ZNF490: variants seen among roughly 807,000 people sequenced by gnomAD.
The protein encoded by ZNF490 is zinc finger protein 490.
Under a neutral mutation model 17.7 loss-of-function variants are expected in ZNF490, and 11 were observed. The ratio of observed to expected loss-of-function variants is 0.62; its 90% confidence interval spans 0.39 to 1.03. The LOEUF (loss-of-function observed/expected upper bound fraction) is 1.03, where lower values mean the gene tolerates loss of function less well. Ranked by LOEUF, ZNF490 falls within the 50% of genes least tolerant of loss-of-function variation. The pLI is 0.00. For synonymous variants in ZNF490, 222 were observed against 216.1 expected (o/e 1.03, Z -0.24); for missense variants, 542 against 643.4 (o/e 0.84, Z 1.71).
Position 12,588,093 on chromosome 19 carries a change from C to T in ZNF490, c.163-4537G>A, listed in dbSNP as rs1484077565. Among the ~76,000 whole-genome samples, 2 of 34,676 alleles carry T rather than the reference C, an allele frequency of 5.8e-5. 1 individual carries two copies. 22.7% of individuals were successfully genotyped at this position (34,676 alleles called of 152,430 possible). ...CCATGTTGGCCAGGCTGGTCTCAAA[C>T]TCCTGACCTCAGGCGATCCGCCTGC... On this transcript the variant is annotated intron_variant, in intron 2 of 4. Coordinates refer to ENST00000311437, the MANE Select transcript of ZNF490 (RefSeq NM_020714.3).
chr19:12,582,720 T>C lies in ZNF490; in HGVS notation c.350+130A>G. On this transcript the variant is annotated intron_variant, in intron 4 of 4. Transcript: ENST00000311437. ...CCCATGACAGTTTCAATGAAACACC[T>C]TCAGTAAAAATTTTCTAAGAATGAA... 4 of 849,446 alleles carry C rather than the reference T, an allele frequency of 4.7e-6. No homozygotes were observed. The East Asian group carries it at 7.4e-5, about 16-fold the overall frequency. The allele number at this position is 849,446 out of a possible 1,614,324, so 52.6% of individuals were successfully genotyped here.
chr19:12,592,802 G>C (rs1568280426), intron 2 of ZNF490, among the ~76,000 whole-genome samples: 1 of 152,180 alleles, frequency 6.6e-6, no homozygotes, highest in Non-Finnish European at 1.5e-5. Flanking sequence ...TGGAGGCAGA[G>C]GGATCAAGTG....
At chr19:12,598,261 G>A (rs988501921) in intron 2 of ZNF490, among the ~76,000 whole-genome samples, 2 of 151,794 alleles carry the variant, frequency 1.3e-5, no homozygotes, top group African/African-American at 2.4e-5. Context: ...TATTGCAACA[G>A]AAGCTACTCA....
rs1261241597 is a variant in ZNF490, at chr19:12,601,843, A to C, written c.162+7315T>G. Among the ~76,000 whole-genome samples the C allele has an allele frequency of 3.3e-5, 5 of 150,728 alleles. No individual in the cohort carries two copies. In the East Asian group the frequency reaches 7.8e-4, roughly 23 times the overall value. On this transcript the variant is annotated intron_variant, in intron 2 of 4. Coordinates refer to ENST00000311437, the MANE Select transcript of ZNF490 (RefSeq NM_020714.3). ...CTGTCTCTACTAAAAATACAAAAAA[A>C]ATTAGCCGGGCTTGGTGGCAGGCTC...
At chr19:12,591,396 C>A (rs4602147) in intron 2 of ZNF490, among the ~76,000 whole-genome samples, 2 of 145,250 alleles carry the variant, frequency 1.4e-5, no homozygotes, top group South Asian at 2.2e-4. Context: ...CGCCGCCCCC[C>A]CAAAAAAGAG....
In ZNF490 at chr19:12,581,666, T is replaced by G; in HGVS notation, c.409A>C (p.Thr137Pro). 6.2e-7 allele frequency: 1 copy of G among 1,614,130 alleles called. No homozygotes were observed. Among genetic ancestry groups the G allele is most frequent in the Non-Finnish European group, 8.5e-7 (1 of 1,180,002 alleles). ...GTATTAAGATCAGGAATCTGGCTAG[T>G]GCTTTTTCCACATGGACAATCTTCT... is the stretch of plus-strand genomic sequence containing the variant. ...NKEDCPCGKS[T>P]SQIPDLNTNL... The change falls in exon 5 of 5, where the codon ACT becomes CCT. Residue 137 changes from threonine (T) to proline (P), a missense_variant. Coordinates refer to ENST00000311437, the MANE Select transcript of ZNF490 (RefSeq NM_020714.3).
intron 2 of ZNF490, among the ~76,000 whole-genome samples, chr19:12,588,963 G>T (rs2162863): frequency 0.61 from 92,846 of 152,010 alleles, 29,328 homozygotes; most frequent in Non-Finnish European, 0.69. Flanking sequence ...CTGAAATGTA[G>T]ACGATTGAAC....
At chr19:12,598,015 A>C (rs2022955913) in intron 2 of ZNF490, among the ~76,000 whole-genome samples, 1 of 152,096 alleles carries the variant, frequency 6.6e-6, no homozygotes, top group Non-Finnish European at 1.5e-5. Context: ...CACGAGGTCA[A>C]GTGATCGAGA....
chr19:12,576,182 G>C lies in ZNF490; in HGVS notation c.*4303C>G, dbSNP rs542319960. Among the ~76,000 whole-genome samples the C allele has an allele frequency of 3.3e-5, 5 of 152,036 alleles. No homozygotes were observed. The South Asian group carries it at 8.3e-4, about 25-fold the overall frequency. On this transcript the variant is annotated 3_prime_UTR_variant, in exon 5 of 5. Transcript: ENST00000311437. ...CTCACCAGCTCCATTCAGTGTTAAGGGGGGTGCTCCCAGGGAAATCAGGCA... is the reference window on the plus strand; with the variant it reads ...CTCACCAGCTCCATTCAGTGTTAAGCGGGGTGCTCCCAGGGAAATCAGGCA...
At chr19:12,599,308 G>C (rs2145160263) in intron 2 of ZNF490, among the ~76,000 whole-genome samples, 1 of 152,048 alleles carries the variant, frequency 6.6e-6, no homozygotes, top group East Asian at 1.9e-4. Context: ...AAAATGACTG[G>C]TTGTTTAAAA....
intron 2 of ZNF490, among the ~76,000 whole-genome samples, chr19:12,588,857 T>C (rs996663577): frequency 5.3e-5 from 8 of 152,210 alleles, no homozygotes; most frequent in Non-Finnish European, 1.0e-4. Flanking sequence ...AAATAATGCA[T>C]GGATGAGAAA....
At position 12,580,230 on chromosome 19, in the gene ZNF490, T is replaced by C. The variant is rs2022708860; in HGVS notation, c.*255A>G. 8.0e-7 allele frequency: 1 copy of C among 1,242,618 alleles called. No individual in the cohort carries two copies. Among genetic ancestry groups the C allele is most frequent in the Admixed American group, 3.8e-5 (1 of 26,546 alleles). 77.0% of individuals were successfully genotyped at this position (1,242,618 alleles called of 1,614,324 possible). On this transcript the variant is annotated 3_prime_UTR_variant, in exon 5 of 5. Transcript: ENST00000311437. ...AAAAGATTACGTGAAGTGAAGGCTT[T>C]CCTACACTCCATACATTCGTAGCTT...
At chr19:12,610,515 G>A in intron 1 of ZNF490, 49 bp downstream of exon 1, 1 of 1,401,406 alleles carries the variant, frequency 7.1e-7, no homozygotes. Flanking sequence ...ATAAACAAGG[G>A]TCACTATTCC....
rs551185328 is a variant in ZNF490, at chr19:12,601,821, T to C, written c.162+7337A>G. Among the ~76,000 whole-genome samples the C allele has an allele frequency of 3.3e-5, 5 of 151,068 alleles. No homozygotes were observed. The South Asian group carries it at 1.0e-3, about 31-fold the overall frequency. ...TCCTGGCTAACATGGTGAAACCCTGTCTCTACTAAAAATACAAAAAAAATT... is the reference window on the plus strand; with the variant it reads ...TCCTGGCTAACATGGTGAAACCCTGCCTCTACTAAAAATACAAAAAAAATT... On this transcript the variant is annotated intron_variant, in intron 2 of 4. Coordinates refer to ENST00000311437, the MANE Select transcript of ZNF490 (RefSeq NM_020714.3).
Position 12,577,418 on chromosome 19 carries a change from T to C in ZNF490, c.*3067A>G. 2.0e-6 allele frequency: 2 copies of C among 984,584 alleles called. No homozygotes were observed. The highest frequency in any genetic ancestry group is 2.4e-6 in the Non-Finnish European group (2 of 829,244). 61.0% of individuals were successfully genotyped at this position (984,584 alleles called of 1,614,324 possible). A position where few individuals can be genotyped will look rare whatever the true frequency, so the allele number is the denominator to read the frequency against. On this transcript the variant is annotated 3_prime_UTR_variant, in exon 5 of 5. Transcript: ENST00000311437. ...GACCTCCCACAGTACAATAATCATC[T>C]CTCTACAAAAGCACAACATGGCAGC...
chr19:12,589,591 C>T (rs1255682323), intron 2 of ZNF490, among the ~76,000 whole-genome samples: 4 of 129,056 alleles, frequency 3.1e-5, no homozygotes, highest in Non-Finnish European at 6.4e-5. Flanking sequence ...TTTTTTGAGA[C>T]AGGTCTCACT....
intron 3 of ZNF490, 97 bp from the exon 4 acceptor site, chr19:12,583,007 C>A (rs1163176311): frequency 9.1e-6 from 9 of 989,046 alleles, no homozygotes; most frequent in Non-Finnish European, 1.4e-5. Context: ...TTAGCTATGA[C>A]ACTGTCTGAT....
In ZNF490 at chr19:12,580,094, CA is replaced by C. The variant is rs1211804230; in HGVS notation, c.*390del. 2 of 984,986 alleles carry C rather than the reference CA, an allele frequency of 2.0e-6. No individual in the cohort carries two copies. Among genetic ancestry groups the C allele is most frequent in the East Asian group, 1.1e-4 (1 of 9,114 alleles). 61.0% of individuals were successfully genotyped at this position (984,986 alleles called of 1,614,324 possible). On this transcript the variant is annotated 3_prime_UTR_variant, in exon 5 of 5. Coordinates refer to ENST00000311437, the MANE Select transcript of ZNF490 (RefSeq NM_020714.3). ...TGCACTCCAGCCTGGGCAACAAGAGCAAAATTACATCTCAACAAAAACAAAA... is the reference window on the plus strand; with the variant it reads ...TGCACTCCAGCCTGGGCAACAAGAGCAAATTACATCTCAACAAAAACAAAA...
In ZNF490 at chr19:12,578,722, C is replaced by T; in HGVS notation, c.*1763G>A. On this transcript the variant is annotated 3_prime_UTR_variant, in exon 5 of 5. Transcript: ENST00000311437. The stretch of plus-strand genomic sequence containing the variant: ...AACTTAAAAGGCAGATTCTGGGAGT[C>T]TTCTCACTTCTCTCCAGTCATGTGT... 5 of 985,434 alleles carry T rather than the reference C, an allele frequency of 5.1e-6. No individual in the cohort carries two copies. The highest frequency in any genetic ancestry group is 6.0e-6 in the Non-Finnish European group (5 of 829,956). 61.0% of individuals were successfully genotyped at this position (985,434 alleles called of 1,614,324 possible). A position where few individuals can be genotyped will look rare whatever the true frequency, so the allele number is the denominator to read the frequency against.
Sources: gnomAD v4.1 joint callset for allele counts (sites outside exome capture counted in the v4.1 genomes callset) on GRCh38, gnomAD v4.1.1 for gene constraint, MANE v1.5 for transcripts, NCBI Gene and HGNC (gene_info 2026-07-23, HGNC 2026-07-21) for gene names.